Variants in ZNF385D observed in about 807,000 individuals in gnomAD.
ZNF385D encodes zinc finger protein 659.
A neutral mutation model predicts 35.8 loss-of-function variants in ZNF385D; 15 were observed. The observed-to-expected ratio is 0.42, with a 90% confidence interval of 0.28 to 0.64. ZNF385D has a LOEUF of 0.64. Ranked by LOEUF, ZNF385D falls within the 30% of genes least tolerant of loss-of-function variation. The pLI is 0.23. For synonymous variants in ZNF385D, 212 were observed against 186.8 expected (o/e 1.13, Z -1.10); for missense variants, 474 against 494.6 (o/e 0.96, Z 0.39).
intron 3 of ZNF385D, among the ~76,000 whole-genome samples, chr3:22,091,682 G>GC (rs1559362064): frequency 6.6e-6 from 1 of 152,110 alleles, no homozygotes; most frequent in South Asian, 2.1e-4. Flanking sequence ...CAGACACAGA[G>GC]CCCCCCGACT....
At chr3:21,686,442 C>T (rs1448958977) in intron 1 of ZNF385D, among the ~76,000 whole-genome samples, 3 of 152,150 alleles carry the variant, frequency 2.0e-5, no homozygotes, top group African/African-American at 7.2e-5. Context: ...CAATACTGAA[C>T]TATCGCAATA....
rs11380195 is a variant in ZNF385D at position 22,019,034 on chromosome 3, C to CTTTTTTTTTTTTTTTTTTTTTTT, written c.325+149760_325+149782dup. On this transcript the variant is annotated intron_variant, in intron 3 of 5. Coordinates refer to the ZNF385D transcript ENST00000494108. ...CAGTTTCATGGATAGAGTTATTTACCTTTTTTTTTTTTTTTTTTTTTTTTT... is the reference window on the plus strand; with the variant it reads ...CAGTTTCATGGATAGAGTTATTTACCTTTTTTTTTTTTTTTTTTTTTTTTTTTTTTTTTTTTTTTTTTTTTTTT... Among the ~76,000 whole-genome samples, 12 of 64,468 alleles carry CTTTTTTTTTTTTTTTTTTTTTTT rather than the reference C, an allele frequency of 1.9e-4. 1 individual carries two copies. The highest frequency in any genetic ancestry group is 3.1e-4 in the Non-Finnish European group (11 of 35,780). The allele number at this position is 64,468 out of a possible 152,430, so 42.3% of individuals were successfully genotyped here.
At chr3:22,092,823 A>T (rs1701402426) in intron 3 of ZNF385D, among the ~76,000 whole-genome samples, 1 of 152,082 alleles carries the variant, frequency 6.6e-6, no homozygotes, top group Non-Finnish European at 1.5e-5. Flanking sequence ...TTTTAGTTTG[A>T]GAAAAAAAGA....
intron 3 of ZNF385D, among the ~76,000 whole-genome samples, chr3:21,903,514 T>G (rs988823070): frequency 6.6e-6 from 1 of 152,168 alleles, no homozygotes; most frequent in Non-Finnish European, 1.5e-5. Flanking sequence ...AAGTATTGTA[T>G]GAAAATCAAA....
At chr3:21,834,501 G>A (rs544649545) in intron 3 of ZNF385D, among the ~76,000 whole-genome samples, 2 of 152,280 alleles carry the variant, frequency 1.3e-5, no homozygotes, top group East Asian at 3.9e-4. Context: ...TCAGGATAAA[G>A]GTGGCAGTTA....
chr3:22,026,110 G>C (rs1015527254), intron 3 of ZNF385D, among the ~76,000 whole-genome samples: 24 of 152,232 alleles, frequency 1.6e-4, no homozygotes, highest in Admixed American at 1.4e-3. Flanking sequence ...GATAGGAAGT[G>C]AAATTGTTAG....
intron 1 of ZNF385D, among the ~76,000 whole-genome samples, chr3:21,729,369 T>G (rs999811473): frequency 6.6e-6 from 1 of 152,190 alleles, no homozygotes; most frequent in African/African-American, 2.4e-5. Flanking sequence ...ATTTTAAGAT[T>G]AAGAAGCAAC....
At chr3:22,284,119 C>A (rs932147042) in intron 2 of ZNF385D, among the ~76,000 whole-genome samples, 7 of 152,042 alleles carry the variant, frequency 4.6e-5, no homozygotes, top group Non-Finnish European at 8.8e-5. Context: ...CATTCTATAT[C>A]CACCAATAAA....
intron 3 of ZNF385D, among the ~76,000 whole-genome samples, chr3:21,923,406 G>C (rs929078773): frequency 6.6e-6 from 1 of 152,192 alleles, no homozygotes; most frequent in Non-Finnish European, 1.5e-5. Context: ...ATACACTGTT[G>C]ATAGAAATGT....
chr3:21,636,484 C>T (rs542908093), intron 2 of ZNF385D, among the ~76,000 whole-genome samples: 197 of 144,928 alleles, frequency 1.4e-3, no homozygotes, highest in Non-Finnish European at 2.6e-3. Context: ...AGCTGAGAAG[C>T]GAAGAAGAAG....
chr3:21,640,619 C>G (rs2065576739), intron 2 of ZNF385D, among the ~76,000 whole-genome samples: 1 of 152,080 alleles, frequency 6.6e-6, no homozygotes. Context: ...TGATCATCTA[C>G]AAGCCAGGAG....
chr3:21,895,618 G>C (rs550491568), intron 3 of ZNF385D, among the ~76,000 whole-genome samples: 221 of 151,784 alleles, frequency 1.5e-3, no homozygotes, highest in Non-Finnish European at 2.4e-3. Flanking sequence ...TGGGATTACA[G>C]GTATGAGCCA....
intron 1 of ZNF385D, among the ~76,000 whole-genome samples, chr3:21,748,819 T>C (rs1191357055): frequency 6.6e-6 from 1 of 152,324 alleles, no homozygotes; most frequent in South Asian, 2.1e-4. Flanking sequence ...TACATACATA[T>C]ATAAATACAT....
At chr3:21,712,602 A>G (rs2068156371) in intron 1 of ZNF385D, among the ~76,000 whole-genome samples, 1 of 152,188 alleles carries the variant, frequency 6.6e-6, no homozygotes, top group Admixed American at 6.5e-5. Flanking sequence ...GACTTGAGAA[A>G]TTTCACTGTC....
chr3:21,983,108 A>G (rs999799837), intron 3 of ZNF385D, among the ~76,000 whole-genome samples: 10 of 147,936 alleles, frequency 6.8e-5, no homozygotes, highest in African/African-American at 2.4e-4. Context: ...GCCTCATAGA[A>G]TGAATTGGGG....
At position 21,441,576 on chromosome 3, in the gene ZNF385D, C is replaced by G. The variant is rs568010430; in HGVS notation, c.440-4373G>C. The G allele has an allele frequency of 1.9e-3, 907 of 488,062 alleles. 3 individuals carry two copies. The highest frequency in any genetic ancestry group is 2.1e-3 in the Non-Finnish European group (785 of 375,618). 30.2% of individuals were successfully genotyped at this position (488,062 alleles called of 1,614,324 possible). A position where few individuals can be genotyped will look rare whatever the true frequency, so the allele number is the denominator to read the frequency against. ...ACTATAAAAGAAACTAAGCGTGGCCCAAGCTAGAGTCAATTACGTATATCC... is the reference window on the plus strand; with the variant it reads ...ACTATAAAAGAAACTAAGCGTGGCCGAAGCTAGAGTCAATTACGTATATCC... On this transcript the variant is annotated intron_variant, in intron 4 of 7. Transcript: ENST00000281523.
intron 3 of ZNF385D, among the ~76,000 whole-genome samples, chr3:21,890,816 G>C (rs548561250): frequency 6.6e-6 from 1 of 152,268 alleles, no homozygotes; most frequent in African/African-American, 2.4e-5. Context: ...AATAAGGATT[G>C]ACTTGCATTA....
chr3:22,362,941 T>G (rs545769774), intron 2 of ZNF385D, among the ~76,000 whole-genome samples: 1 of 151,900 alleles, frequency 6.6e-6, no homozygotes, highest in East Asian at 1.9e-4. Flanking sequence ...GCAGAAAGAG[T>G]AATAAAACAA....
intron 2 of ZNF385D, among the ~76,000 whole-genome samples, chr3:21,634,494 G>A (rs2065373081): frequency 6.6e-6 from 1 of 151,914 alleles, no homozygotes. Context: ...ACTCTAAATA[G>A]CATTGTATGC....
Sources: allele counts gnomAD v4.1 joint callset (sites outside exome capture counted in the v4.1 genomes callset), GRCh38; gene constraint gnomAD v4.1.1; transcripts MANE v1.5; gene names NCBI Gene and HGNC (gene_info 2026-07-23, HGNC 2026-07-21).